ABLIM1: variants seen among roughly 807,000 people sequenced by gnomAD.
ABLIM1 encodes the protein actin-binding LIM protein 1.
Under a neutral mutation model 107.0 loss-of-function variants are expected in ABLIM1, and 40 were observed. The ratio of observed to expected loss-of-function variants is 0.37; its 90% CI spans 0.29 to 0.49. ABLIM1 has a LOEUF of 0.49. Ranked by LOEUF, ABLIM1 falls within the 20% of genes least tolerant of loss-of-function variation. The pLI is 0.97. For synonymous variants in ABLIM1, 357 were observed against 357.3 expected (o/e 1.00, Z 0.01); for missense variants, 857 against 1,008.5 (o/e 0.85, Z 2.04).
At chr10:114,621,643 A>G (rs1047722078) in intron 1 of ABLIM1, among the ~76,000 whole-genome samples, 2 of 151,588 alleles carry the variant, frequency 1.3e-5, no homozygotes, top group Non-Finnish European at 2.9e-5. Context: ...CTTCCTTAGA[A>G]CCCCCATAGA....
At chr10:114,542,182 G>A (rs1370703194) in intron 6 of ABLIM1, among the ~76,000 whole-genome samples, 1 of 152,172 alleles carries the variant, frequency 6.6e-6, no homozygotes, top group Non-Finnish European at 1.5e-5. Context: ...GCTGAGGCAG[G>A]AGGATTGCCT....
At chr10:114,735,288 A>C (rs2082155325) in intron 1 of ABLIM1, among the ~76,000 whole-genome samples, 1 of 152,236 alleles carries the variant, frequency 6.6e-6, no homozygotes, top group Non-Finnish European at 1.5e-5. Context: ...CAGGTATCTA[A>C]GATTATTATT....
At chr10:114,565,097 A>G (rs2138493039) in intron 4 of ABLIM1, among the ~76,000 whole-genome samples, 1 of 152,342 alleles carries the variant, frequency 6.6e-6, no homozygotes, top group East Asian at 1.9e-4. Flanking sequence ...ACCAGCCAAC[A>G]ACTTGTCCAG....
intron 6 of ABLIM1, chr10:114,526,949 A>G (rs2136798506): frequency 1.0e-6 from 1 of 985,434 alleles, no homozygotes; most frequent in Non-Finnish European, 1.2e-6. Flanking sequence ...AGTTCAACAC[A>G]CCAGCAACCA....
intron 1 of ABLIM1, among the ~76,000 whole-genome samples, chr10:114,732,278 G>A (rs2082092641): frequency 6.8e-6 from 1 of 146,468 alleles, no homozygotes; most frequent in Non-Finnish European, 1.5e-5. Context: ...CCACCTCCCA[G>A]ATTCAAGCGA....
rs1278874999 is a variant in ABLIM1 at position 114,441,733 on chromosome 10, C to A, written c.1987G>T (p.Gly663Trp). 1.2e-6 allele frequency: 2 copies of A among 1,613,654 alleles called. No individual in the cohort carries two copies. The highest frequency in any genetic ancestry group is 1.3e-5 in the African/African-American group (1 of 74,904). Reference sequence around the variant, plus strand: ...GGGAGAAATCTTACCCGGTGAAGCCCATTTCTTCCATAGCCAGGGAGAGAT... The same window carrying A: ...GGGAGAAATCTTACCCGGTGAAGCCAATTTCTTCCATAGCCAGGGAGAGAT... The part of the protein sequence containing the change: ...TASLPGYGRN[G>W]LHRPVSTDFA... Residue 663 changes from glycine (G) to tryptophan (W), a missense_variant, in exon 18 of 23, where the codon GGG becomes TGG. Around this residue, in one of 5 missense-constraint regions of ABLIM1, gnomAD observed 193 missense variants for 208.5 expected, o/e 0.93. Coordinates refer to ENST00000533213, the MANE Select transcript of ABLIM1 (RefSeq NM_002313.7).
At chr10:114,723,972 C>T (rs1467806784) in intron 1 of ABLIM1, among the ~76,000 whole-genome samples, 1 of 152,114 alleles carries the variant, frequency 6.6e-6, no homozygotes, top group Non-Finnish European at 1.5e-5. Flanking sequence ...CTGCGTGGTT[C>T]CTTCATTGGT....
chr10:114,522,888 C>T (rs528261603), intron 6 of ABLIM1, among the ~76,000 whole-genome samples: 121 of 152,270 alleles, frequency 7.9e-4, no homozygotes, highest in African/African-American at 2.5e-3. Flanking sequence ...CGGTGGCTCA[C>T]GCCTGTAATC....
intron 6 of ABLIM1, among the ~76,000 whole-genome samples, chr10:114,540,449 G>A (rs191394163): frequency 1.1e-3 from 174 of 152,270 alleles, no homozygotes; most frequent in African/African-American, 3.8e-3. Context: ...AGCCGCTGGT[G>A]CTCGGGCCCG....
At chr10:114,572,602 G>C (rs1364191251) in intron 3 of ABLIM1, among the ~76,000 whole-genome samples, 1 of 152,172 alleles carries the variant, frequency 6.6e-6, no homozygotes, top group Non-Finnish European at 1.5e-5. Flanking sequence ...GACATGCCTG[G>C]ACTGACCAGC....
the ABLIM1 span, among the ~76,000 whole-genome samples, chr10:114,787,240 G>A: frequency 1.1e-4 from 17 of 151,812 alleles, no homozygotes; most frequent in Admixed American, 4.6e-4. Flanking sequence ...TCTGAGAAGC[G>A]AGGAGCCTCT....
intron 17 of ABLIM1, among the ~76,000 whole-genome samples, chr10:114,443,081 G>T (rs2060429630): frequency 6.6e-6 from 1 of 152,066 alleles, no homozygotes; most frequent in African/African-American, 2.4e-5. Flanking sequence ...CTTGTGATCT[G>T]CCCGCCTTGG....
chr10:114,748,325 T>G (rs543312874), intron 1 of ABLIM1, among the ~76,000 whole-genome samples: 1 of 152,270 alleles, frequency 6.6e-6, no homozygotes, highest in South Asian at 2.1e-4. Context: ...CCATCTGCGG[T>G]TGGCCAGCTT....
At chr10:114,514,189 C>T (rs1319263397) in intron 6 of ABLIM1, among the ~76,000 whole-genome samples, 1 of 151,630 alleles carries the variant, frequency 6.6e-6, no homozygotes, top group East Asian at 1.9e-4. Flanking sequence ...TTTGGAAGGC[C>T]AAGGTGGGCG....
At chr10:114,513,951 T>C (rs1375822784) in intron 6 of ABLIM1, among the ~76,000 whole-genome samples, 1 of 152,172 alleles carries the variant, frequency 6.6e-6, no homozygotes, top group African/African-American at 2.4e-5. Flanking sequence ...AGTTTTCACA[T>C]GACACCATCA....
intron 6 of ABLIM1, among the ~76,000 whole-genome samples, chr10:114,497,689 A>T: frequency 7.2e-6 from 1 of 138,058 alleles, no homozygotes; most frequent in South Asian, 2.2e-4. Flanking sequence ...CTCAAAAAAA[A>T]AAAAAAAAAA....
At chr10:114,447,431 A>G (rs1296907981) in intron 15 of ABLIM1, among the ~76,000 whole-genome samples, 3 of 152,224 alleles carry the variant, frequency 2.0e-5, no homozygotes, top group African/African-American at 7.2e-5. Flanking sequence ...ATTGGTTGTT[A>G]AGAATTATAA....
chr10:114,509,757 A>G (rs1267573905), intron 6 of ABLIM1, among the ~76,000 whole-genome samples: 3 of 152,174 alleles, frequency 2.0e-5, no homozygotes, highest in African/African-American at 7.2e-5. Flanking sequence ...GCTCTGCGTC[A>G]GCCTCAAATA....
intron 1 of ABLIM1, among the ~76,000 whole-genome samples, chr10:114,722,064 C>T (rs547903827): frequency 1.3e-5 from 2 of 152,254 alleles, no homozygotes; most frequent in East Asian, 3.9e-4. Flanking sequence ...AGGTTAATGG[C>T]TTGATTTAGA....
Sources: allele counts gnomAD v4.1 joint callset (sites outside exome capture counted in the v4.1 genomes callset), GRCh38; gene constraint gnomAD v4.1.1; regional missense constraint gnomAD v4.1.1; transcripts MANE v1.5; gene names NCBI Gene and HGNC (gene_info 2026-07-23, HGNC 2026-07-21).